The following METTL24 variants were observed in gnomAD, a reference collection of about 807,000 sequenced individuals.
METTL24 encodes the protein probable methyltransferase-like protein 24.
In METTL24, 29 loss-of-function variants were observed where a neutral mutation model predicts 32.7. The observed-to-expected ratio is 0.89, with a 90% CI of 0.66 to 1.21. METTL24 has a LOEUF of 1.21. Among genes scored for constraint, METTL24 ranks in the 50% most tolerant of loss-of-function variants. The pLI is 0.00. For synonymous variants in METTL24, 163 were observed against 179.5 expected (o/e 0.91, Z 0.73); for missense variants, 439 against 468.1 (o/e 0.94, Z 0.57).
At chr6:110,336,170 G>C (rs1772223244) in intron 1 of METTL24, among the ~76,000 whole-genome samples, 1 of 152,204 alleles carries the variant, frequency 6.6e-6, no homozygotes, top group Non-Finnish European at 1.5e-5. Context: ...GGATTACAAT[G>C]TGTCACGGGA....
At chr6:110,308,005 T>C (rs949551977) in intron 3 of METTL24, among the ~76,000 whole-genome samples, 2 of 152,190 alleles carry the variant, frequency 1.3e-5, no homozygotes, top group Non-Finnish European at 2.9e-5. Flanking sequence ...GGGAGATTTA[T>C]AGGGCTAAAT....
intron 4 of METTL24, among the ~76,000 whole-genome samples, chr6:110,249,307 T>C (rs932626730): frequency 6.6e-6 from 1 of 152,014 alleles, no homozygotes; most frequent in Non-Finnish European, 1.5e-5. Flanking sequence ...TATAAAATGC[T>C]AATCTATTCT....
intron 4 of METTL24, among the ~76,000 whole-genome samples, chr6:110,294,216 T>G (rs1009868135): frequency 6.6e-6 from 1 of 151,988 alleles, no homozygotes; most frequent in African/African-American, 2.4e-5. Context: ...AAATGGTGAA[T>G]TCCAGTGAAA....
chr6:110,252,839 T>C (rs752863444), intron 4 of METTL24, among the ~76,000 whole-genome samples: 39 of 152,174 alleles, frequency 2.6e-4, no homozygotes, highest in Non-Finnish European at 1.3e-4. Context: ...TCAACCTATG[T>C]GGTCACACAG....
At chr6:110,267,038 C>G (rs973569626) in intron 4 of METTL24, among the ~76,000 whole-genome samples, 5 of 150,970 alleles carry the variant, frequency 3.3e-5, no homozygotes, top group African/African-American at 1.2e-4. Flanking sequence ...GAGGGACCTG[C>G]TTTTTTTTTA....
chr6:110,253,408 C>T (rs929449143), intron 4 of METTL24, among the ~76,000 whole-genome samples: 5 of 152,084 alleles, frequency 3.3e-5, no homozygotes, highest in African/African-American at 1.2e-4. Context: ...AGCTTGGGGG[C>T]TAATTCATTA....
intron 1 of METTL24, among the ~76,000 whole-genome samples, chr6:110,340,217 G>C (rs1318069413): frequency 1.3e-5 from 2 of 150,758 alleles, no homozygotes; most frequent in African/African-American, 2.4e-5. Context: ...CCAGGCCTGG[G>C]TTGCTGAGGG....
intron 3 of METTL24, among the ~76,000 whole-genome samples, chr6:110,310,733 C>A (rs1267814231): frequency 6.6e-6 from 1 of 152,144 alleles, no homozygotes; most frequent in Non-Finnish European, 1.5e-5. Flanking sequence ...GCTTTGACTC[C>A]TAGTAAATAA....
intron 1 of METTL24, 42 bp downstream of exon 1, chr6:110,357,913 G>A: frequency 8.8e-7 from 1 of 1,140,472 alleles, no homozygotes; most frequent in Non-Finnish European, 1.1e-6. Context: ...TCGGGAGGGG[G>A]CTTCTGGTCC....
At chr6:110,246,409 C>T in intron 4 of METTL24, 149 bp from the exon 5 acceptor site, 1 of 670,860 alleles carries the variant, frequency 1.5e-6, no homozygotes, top group Admixed American at 3.0e-5. Context: ...GCATTTATGA[C>T]ATGAATTTCT....
chr6:110,275,077 G>A (rs1771024707), intron 4 of METTL24, among the ~76,000 whole-genome samples: 1 of 151,768 alleles, frequency 6.6e-6, no homozygotes, highest in Non-Finnish European at 1.5e-5. Context: ...AGGATTACAG[G>A]TGTGAGCCAC....
chr6:110,322,825 C>T lies in METTL24; in HGVS notation c.366G>A (p.Gln122=). Residue 122 remains glutamine (Q), a synonymous_variant, in exon 2 of 5, where the codon CAG becomes CAA. Coordinates refer to ENST00000338882, the MANE Select transcript of METTL24 (RefSeq NM_001123364.3). The stretch of plus-strand genomic sequence containing the variant: ...ACCTCCAGGCTTCTTCATCCAGGGA[C>T]TGAGCAGAGCCTGCCCAAGGCTGGA... The part of the protein sequence containing the change: ...IDLQPWAGSA[Q]SLDEEAWRFL... 1.9e-6 allele frequency: 3 copies of T among 1,613,984 alleles called. No homozygotes were observed. The highest frequency in any genetic ancestry group is 2.5e-6 in the Non-Finnish European group (3 of 1,179,940).
intron 4 of METTL24, among the ~76,000 whole-genome samples, chr6:110,269,366 T>G (rs1222997406): frequency 1.3e-5 from 2 of 152,190 alleles, no homozygotes; most frequent in African/African-American, 4.8e-5. Flanking sequence ...AGGGCGTCAT[T>G]TTTTAATACT....
At chr6:110,293,519 A>G (rs1771357792) in intron 4 of METTL24, among the ~76,000 whole-genome samples, 1 of 151,952 alleles carries the variant, frequency 6.6e-6, no homozygotes, top group South Asian at 2.1e-4. Context: ...TCTTCAATTA[A>G]TATGTCCTTC....
chr6:110,259,340 G>T lies in METTL24; in HGVS notation c.787-13080C>A, dbSNP rs530050325. ...TTATATCCCACGCCTGGCTCAGAGG[G>T]TCCTACACCCATGGAGCCTTGCTCA... On this transcript the variant is annotated intron_variant, in intron 4 of 4. Transcript: ENST00000338882. Among the ~76,000 whole-genome samples, 303 of 152,316 alleles carry T rather than the reference G, an allele frequency of 2.0e-3. 1 individual carries two copies. Among genetic ancestry groups the T allele is most frequent in the African/African-American group, 5.1e-3 (214 of 41,574 alleles).
Position 110,315,398 on chromosome 6 carries a change from GT to G in METTL24, c.500del (p.Asp167AlafsTer5). 1 of 1,614,184 alleles carries G rather than the reference GT, an allele frequency of 6.2e-7. No homozygotes were observed. The highest frequency in any genetic ancestry group is 8.5e-7 in the Non-Finnish European group (1 of 1,180,016). ...GGATTTGATGAGCTAAATTGAACCT[GT>G]CGTCAAGACACACTGACCAGGGCTT... ...THKPWSVCLD[D>X]RFNLAHQIRN... On this transcript the variant is annotated frameshift_variant, in exon 3 of 5. Transcript: ENST00000338882. LOFTEE classifies it high-confidence loss of function.
Position 110,299,069 on chromosome 6 carries a change from C to T in METTL24, c.639G>A (p.Lys213=). 1.2e-6 allele frequency: 2 copies of T among 1,614,176 alleles called. No homozygotes were observed. The highest frequency in any genetic ancestry group is 1.7e-6 in the Non-Finnish European group (2 of 1,180,036). ...GCTGACTCTCCAGAATGTGAGCTGA[C>T]TTGACACTAGGATCAAAACGATGCA... ...CEVHRFDPSV[K]SAHILESQHL... is the part of the protein sequence containing the mutation. Residue 213 remains lysine (K), a synonymous_variant, in exon 4 of 5, where the codon AAG becomes AAA. Coordinates refer to ENST00000338882, the MANE Select transcript of METTL24 (RefSeq NM_001123364.3).
Position 110,298,963 on chromosome 6 carries a change from T to C in METTL24, c.745A>G (p.Arg249Gly), listed in dbSNP as rs570406089. The change falls in exon 4 of 5, where the codon AGA (arginine) becomes GGA (glycine). Residue 249 changes from arginine to glycine, a missense_variant. Coordinates refer to ENST00000338882, the MANE Select transcript of METTL24 (RefSeq NM_001123364.3). ...VAAQKPHSNTRKLGSILNEFG... is the reference protein window; with the variant it reads ...VAAQKPHSNTGKLGSILNEFG... ...TCATTCAAAATGCTTCCCAGTTTTC[T>C]GGTGTTGCTATGTGGTTTTTGGGCA... 6.2e-7 allele frequency: 1 copy of C among 1,614,216 alleles called. No homozygotes were observed.
chr6:110,352,018 C>CT (rs895657518), intron 1 of METTL24, among the ~76,000 whole-genome samples: 2 of 151,786 alleles, frequency 1.3e-5, no homozygotes, highest in African/African-American at 4.8e-5. Context: ...TTTTTTCTTC[C>CT]TTTTTTGTTT....
Sources: gnomAD v4.1 joint callset for allele counts (sites outside exome capture counted in the v4.1 genomes callset) on GRCh38, gnomAD v4.1.1 for gene constraint, MANE v1.5 for transcripts, NCBI Gene and HGNC (gene_info 2026-07-23, HGNC 2026-07-21) for gene names.